The following DNAH7 variants were observed in gnomAD, a reference collection of about 807,000 sequenced individuals.
The protein encoded by DNAH7 is dynein axonemal heavy chain 7, also known as axonemal beta dynein heavy chain 7.
Under a neutral mutation model 444.6 loss-of-function variants are expected in DNAH7, and 397 were observed. The observed-to-expected ratio is 0.89, with a 90% CI of 0.82 to 0.97. The LOEUF is 0.97. Ranked by LOEUF, DNAH7 falls within the 50% of genes least tolerant of loss-of-function variation. The pLI is 0.00. For synonymous variants in DNAH7, 1,636 were observed against 1,624.4 expected, an observed-to-expected ratio of 1.01 and a Z score of -0.17; for missense variants, 4,902 against 4,800.8, an observed-to-expected ratio of 1.02 and a Z score of -0.62.
In DNAH7 at chr2:195,804,010, T is replaced by C. The variant is rs529025645; in HGVS notation, c.10176+2730A>G. ...ACTGGAGCGTTAGAGGGCCTGCTATTTGTGGCTTCTTACCACTGAGTGGGG... is the reference window on the plus strand; with the variant it reads ...ACTGGAGCGTTAGAGGGCCTGCTATCTGTGGCTTCTTACCACTGAGTGGGG... On this transcript the variant is annotated intron_variant, in intron 54 of 64. Transcript: ENST00000312428. Among the ~76,000 whole-genome samples the C allele has an allele frequency of 7.2e-5, 11 of 152,168 alleles. No individual in the cohort carries two copies. In the East Asian group the frequency reaches 2.1e-3, roughly 29 times the overall value.
chr2:196,010,295 G>T (rs1009087541), intron 10 of DNAH7, among the ~76,000 whole-genome samples: 11 of 151,820 alleles, frequency 7.2e-5, no homozygotes, highest in Non-Finnish European at 1.5e-4. Context: ...GATTACAGGT[G>T]TGCGCCACCA....
intron 5 of DNAH7, among the ~76,000 whole-genome samples, chr2:196,046,838 A>G (rs975128941): frequency 1.3e-5 from 2 of 152,216 alleles, no homozygotes; most frequent in Admixed American, 6.5e-5. Context: ...ACTAAAGAGA[A>G]TACTAAGCAA....
At chr2:195,804,166 G>A (rs933110323) in intron 54 of DNAH7, among the ~76,000 whole-genome samples, 4 of 152,096 alleles carry the variant, frequency 2.6e-5, no homozygotes, top group South Asian at 4.2e-4. Context: ...TCTCTTAGAG[G>A]TGAAAAAGAA....
intron 48 of DNAH7, among the ~76,000 whole-genome samples, chr2:195,832,356 T>A (rs1330552274): frequency 6.6e-6 from 1 of 152,200 alleles, no homozygotes; most frequent in Non-Finnish European, 1.5e-5. Flanking sequence ...TTTTACTATG[T>A]CAAGGAAATT....
intron 48 of DNAH7, among the ~76,000 whole-genome samples, chr2:195,833,508 G>A (rs923127500): frequency 1.3e-5 from 2 of 152,154 alleles, no homozygotes; most frequent in Admixed American, 1.3e-4. Flanking sequence ...ATAGATTGTA[G>A]TTTCATAAGG....
At chr2:196,021,497 T>G (rs1181041739) in intron 8 of DNAH7, among the ~76,000 whole-genome samples, 1 of 152,114 alleles carries the variant, frequency 6.6e-6, no homozygotes, top group African/African-American at 2.4e-5. Flanking sequence ...CTGTAGTCTA[T>G]TAAGCAGGCA....
At chr2:196,046,866 G>A (rs1408566463) in intron 5 of DNAH7, among the ~76,000 whole-genome samples, 1 of 152,150 alleles carries the variant, frequency 6.6e-6, no homozygotes, top group Non-Finnish European at 1.5e-5. Flanking sequence ...AAAGCGGTGT[G>A]GAAACAAGGC....
At position 195,960,687 on chromosome 2, in the gene DNAH7, C is replaced by T. The variant is rs1255143069; in HGVS notation, c.2464G>A (p.Ala822Thr). The T allele has an allele frequency of 6.2e-7, 1 of 1,614,140 alleles. No individual in the cohort carries two copies. Among genetic ancestry groups the T allele is most frequent in the Non-Finnish European group, 8.5e-7 (1 of 1,180,002 alleles). Residue 822 changes from alanine (A) to threonine (T), a missense_variant, in exon 18 of 65, where the codon GCA becomes ACA. Physicochemically the swap from Ala to Thr is moderately conservative, Grantham distance 58. Coordinates refer to ENST00000312428, the MANE Select transcript of DNAH7 (RefSeq NM_018897.3). The part of the protein sequence containing the change: ...KTFHDSPYAL[A>T]MTKKVRSKVE... ...TTTGATCTTACTTTTTTTGTCATTG[C>T]CAATGCATATGGAGAATCATGAAAG...
intron 47 of DNAH7, among the ~76,000 whole-genome samples, chr2:195,838,755 T>G (rs10211478): frequency 0.038 from 5,773 of 151,926 alleles, 147 homozygotes; most frequent in African/African-American, 0.068. Flanking sequence ...AGATATACCA[T>G]GAAAACACTA....
intron 63 of DNAH7, among the ~76,000 whole-genome samples, chr2:195,742,721 G>C (rs896715269): frequency 5.9e-5 from 9 of 152,148 alleles, no homozygotes; most frequent in Non-Finnish European, 1.3e-4. Flanking sequence ...GGTTTTTCTA[G>C]TTCCTCTCTT....
At chr2:195,915,684 C>A (rs1574756726) in intron 24 of DNAH7, among the ~76,000 whole-genome samples, 2 of 152,068 alleles carry the variant, frequency 1.3e-5, no homozygotes, top group East Asian at 3.8e-4. Flanking sequence ...TAAATGGGAC[C>A]CTGTTTAAGT....
At chr2:196,044,358 G>T (rs185321889) in intron 5 of DNAH7, among the ~76,000 whole-genome samples, 1 of 151,854 alleles carries the variant, frequency 6.6e-6, no homozygotes, top group African/African-American at 2.4e-5. Flanking sequence ...TCCAAACATC[G>T]AATGTTCTCA....
intron 60 of DNAH7, among the ~76,000 whole-genome samples, chr2:195,773,542 A>G (rs189039007): frequency 6.6e-6 from 1 of 152,262 alleles, no homozygotes; most frequent in East Asian, 1.9e-4. Context: ...TTACGGTGAT[A>G]GGTTTTTGAA....
chr2:195,806,953 T>C, intron 53 of DNAH7, 121 bp from the exon 54 acceptor site: 1 of 653,146 alleles, frequency 1.5e-6, no homozygotes, highest in South Asian at 2.4e-5. Context: ...TAAATTTTAC[T>C]ATTTAGTGTA....
chr2:195,814,398 T>C (rs1474632070), intron 51 of DNAH7, among the ~76,000 whole-genome samples: 1 of 152,194 alleles, frequency 6.6e-6, no homozygotes, highest in African/African-American at 2.4e-5. Context: ...CTTTTCCTTA[T>C]ATCTTAAGGG....
chr2:195,988,537 C>T (rs1380748007), intron 12 of DNAH7, among the ~76,000 whole-genome samples: 3 of 151,908 alleles, frequency 2.0e-5, no homozygotes, highest in Non-Finnish European at 4.4e-5. Context: ...GCAAGATATA[C>T]ATTTTTAAAT....
intron 1 of DNAH7, 158 bp downstream of exon 1, chr2:196,068,539 A>C: frequency 8.7e-6 from 8 of 920,698 alleles, no homozygotes; most frequent in African/African-American, 1.7e-5. Flanking sequence ...CATTCACGGA[A>C]AGCGCTCAGT....
At chr2:195,817,204 G>A (rs1275576189) in intron 50 of DNAH7, among the ~76,000 whole-genome samples, 2 of 152,022 alleles carry the variant, frequency 1.3e-5, no homozygotes, top group African/African-American at 2.4e-5. Flanking sequence ...AGAGAAATAC[G>A]GCAAGCCAAT....
At chr2:195,823,087 A>G (rs1426329665) in intron 49 of DNAH7, among the ~76,000 whole-genome samples, 1 of 152,186 alleles carries the variant, frequency 6.6e-6, no homozygotes, top group African/African-American at 2.4e-5. Context: ...GGCAAGTAGC[A>G]CCCCAATCTA....
Sources: gnomAD v4.1 joint callset for allele counts (sites outside exome capture counted in the v4.1 genomes callset) on GRCh38, gnomAD v4.1.1 for gene constraint, MANE v1.5 for transcripts, NCBI Gene and HGNC (gene_info 2026-07-23, HGNC 2026-07-21) for gene names.